LRRC40: variants seen among roughly 807,000 people sequenced by gnomAD.
LRRC40 encodes leucine-rich repeat-containing protein 40.
LRRC40 carries 76 observed loss-of-function variants against 72.8 expected under a neutral mutation model. That is an observed-to-expected ratio of 1.04 (90% confidence interval 0.87 to 1.26). The LOEUF (loss-of-function observed/expected upper bound fraction) is 1.26, where lower values mean the gene tolerates loss of function less well. LRRC40 is among the 50% of genes most tolerant of loss of function. LRRC40 has a pLI of 0.00. For synonymous variants in LRRC40, 243 were observed against 254.2 expected (o/e 0.96, Z 0.42); for missense variants, 684 against 698.9 (o/e 0.98, Z 0.24).
chr1:70,196,239 A>C (rs188883874), intron 1 of LRRC40, among the ~76,000 whole-genome samples: 9 of 152,316 alleles, frequency 5.9e-5, no homozygotes. Flanking sequence ...ACACAAATGG[A>C]CTATTATTCA....
chr1:70,203,018 G>A (rs1668782442), intron 1 of LRRC40, among the ~76,000 whole-genome samples: 2 of 152,130 alleles, frequency 1.3e-5, no homozygotes, highest in African/African-American at 2.4e-5. Context: ...AGCCTTCCAA[G>A]TAGCTAGGAC....
At chr1:70,159,243 G>A (rs1667705646) in intron 10 of LRRC40, 87 bp downstream of exon 10, 2 of 492,768 alleles carry the variant, frequency 4.1e-6, no homozygotes, top group Admixed American at 7.6e-5. Context: ...CAGGAGGATG[G>A]CTTGAGCCCA....
chr1:70,149,938 T>G (rs568654390), intron 13 of LRRC40, among the ~76,000 whole-genome samples: 1 of 152,310 alleles, frequency 6.6e-6, no homozygotes, highest in African/African-American at 2.4e-5. Context: ...ATTTATTTTT[T>G]GAGACAGAGT....
chr1:70,199,579 C>T (rs1668692432), intron 1 of LRRC40, among the ~76,000 whole-genome samples: 1 of 152,076 alleles, frequency 6.6e-6, no homozygotes, highest in Non-Finnish European at 1.5e-5. Flanking sequence ...GAATGAAGAC[C>T]TTTATGATGA....
chr1:70,200,234 A>T (rs905334164), intron 1 of LRRC40, among the ~76,000 whole-genome samples: 2 of 152,206 alleles, frequency 1.3e-5, no homozygotes, highest in African/African-American at 4.8e-5. Flanking sequence ...CGGGAGGCCA[A>T]GGCAGGAGGA....
chr1:70,196,376 T>C (rs1668609614), intron 1 of LRRC40, among the ~76,000 whole-genome samples: 1 of 151,970 alleles, frequency 6.6e-6, no homozygotes, highest in African/African-American at 2.4e-5. Context: ...AGAGCAAGAC[T>C]TCGTCTCTAT....
intron 5 of LRRC40, 37 bp from the exon 6 acceptor site, chr1:70,179,030 A>G (rs1213692571): frequency 1.5e-6 from 2 of 1,356,384 alleles, no homozygotes; most frequent in Non-Finnish European, 2.0e-6. Flanking sequence ...AAAATAGAGA[A>G]AAAAAAATTA....
chr1:70,170,874 A>G (rs1313540816), intron 9 of LRRC40, among the ~76,000 whole-genome samples: 3 of 152,192 alleles, frequency 2.0e-5, no homozygotes, highest in Admixed American at 6.5e-5. Flanking sequence ...CAAGAAATCC[A>G]TAATAGCCAA....
intron 9 of LRRC40, among the ~76,000 whole-genome samples, chr1:70,167,013 C>A (rs1667895973): frequency 6.6e-6 from 1 of 151,990 alleles, no homozygotes; most frequent in Non-Finnish European, 1.5e-5. Flanking sequence ...GGCAAAGATA[C>A]ATATATGGAG....
At chr1:70,163,590 CATA>C (rs780472899) in intron 9 of LRRC40, among the ~76,000 whole-genome samples, 4 of 152,124 alleles carry the variant, frequency 2.6e-5, no homozygotes, top group Non-Finnish European at 4.4e-5. Context: ...CAACACAATT[CATA>C]ATAATATCCT....
intron 11 of LRRC40, among the ~76,000 whole-genome samples, chr1:70,153,051 T>A (rs1203081441): frequency 6.6e-6 from 1 of 152,120 alleles, no homozygotes. Flanking sequence ...TTCCTGTTAT[T>A]AATATGATTT....
chr1:70,185,707 T>G (rs927685290), intron 3 of LRRC40, among the ~76,000 whole-genome samples: 1 of 152,202 alleles, frequency 6.6e-6, no homozygotes, highest in Non-Finnish European at 1.5e-5. Context: ...AATAGCTATT[T>G]CTGTTTGAGG....
intron 1 of LRRC40, among the ~76,000 whole-genome samples, chr1:70,196,358 T>C (rs1193328942): frequency 6.6e-6 from 1 of 151,998 alleles, no homozygotes; most frequent in Non-Finnish European, 1.5e-5. Context: ...GAGACCAACC[T>C]GGGAAAAAGA....
At position 70,178,857 on chromosome 1, in the gene LRRC40, T is replaced by C. The variant is rs376762274; in HGVS notation, c.798A>G (p.Leu266=). The C allele has an allele frequency of 3.5e-5, 55 of 1,581,696 alleles. No homozygotes were observed. The highest frequency in any genetic ancestry group is 3.4e-4 in the Middle Eastern group (2 of 5,954). The change falls in exon 6 of 15, where the codon CTA becomes CTG. Residue 266 remains leucine, a synonymous_variant. Transcript: ENST00000370952. ...RFLPEFPSCS[L]LKELHVGENQ... is the part of the protein sequence containing the mutation. ...ATAATCAACTAAATAGTACCTTCAATAGACTACAAGAAGGAAATTCTGGTA... is the reference window on the plus strand; with the variant it reads ...ATAATCAACTAAATAGTACCTTCAACAGACTACAAGAAGGAAATTCTGGTA...
chr1:70,151,254 C>T (rs1558108188), intron 12 of LRRC40, 49 bp from the exon 13 acceptor site: 1 of 864,582 alleles, frequency 1.2e-6, no homozygotes, highest in South Asian at 1.5e-5. Flanking sequence ...AAAAATTTTA[C>T]AAGTTTAATT....
intron 9 of LRRC40, among the ~76,000 whole-genome samples, chr1:70,163,079 C>CTTT (rs377411157): frequency 2.1e-5 from 3 of 140,548 alleles, no homozygotes; most frequent in African/African-American, 7.9e-5. Context: ...CTTTCCTTTT[C>CTTT]TTTTTTTTTT....
intron 9 of LRRC40, among the ~76,000 whole-genome samples, chr1:70,171,716 G>A (rs1275413536): frequency 6.6e-6 from 1 of 152,110 alleles, no homozygotes; most frequent in Non-Finnish European, 1.5e-5. Flanking sequence ...GTTGATGAGG[G>A]GAATCAGAAC....
At position 70,178,994 on chromosome 1, in the gene LRRC40, C is replaced by A; in HGVS notation, c.662-1G>T. The A allele has an allele frequency of 6.4e-7, 1 of 1,555,110 alleles. No individual in the cohort carries two copies. The highest frequency in any genetic ancestry group is 8.7e-7 in the Non-Finnish European group (1 of 1,148,022). ...GAATTACAATCCAAATGCTTCAACC[C>A]TGTAATATATATTCAGTAAAAAACA... On this transcript the variant is annotated splice_acceptor_variant, in intron 5 of 14. Coordinates refer to ENST00000370952, the MANE Select transcript of LRRC40 (RefSeq NM_017768.5). LOFTEE classifies it high-confidence loss of function.
intron 3 of LRRC40, 84 bp downstream of exon 3, chr1:70,187,181 T>A (rs895021925): frequency 2.3e-5 from 16 of 684,292 alleles, no homozygotes; most frequent in Non-Finnish European, 4.1e-5. Context: ...TTCAAAGATA[T>A]TTTTAATGTT....
Sources: allele counts gnomAD v4.1 joint callset (sites outside exome capture counted in the v4.1 genomes callset), GRCh38; gene constraint gnomAD v4.1.1; transcripts MANE v1.5; gene names NCBI Gene and HGNC (gene_info 2026-07-23, HGNC 2026-07-21).